LARGE1: variants seen among roughly 807,000 people sequenced by gnomAD.
The protein encoded by LARGE1 is xylosyl- and glucuronyltransferase LARGE1.
A neutral mutation model predicts 87.6 loss-of-function variants in LARGE1; 43 were observed. The observed-to-expected ratio is 0.49, with a 90% CI of 0.38 to 0.63. LARGE1 has a LOEUF of 0.63. Among genes scored for constraint, LARGE1 ranks in the 30% least tolerant of loss-of-function variants. The probability of loss-of-function intolerance (pLI) is 0.00; values close to 1 mark genes in which losing one functional copy is unlikely to be tolerated. For synonymous variants in LARGE1, 434 were observed against 394.6 expected, an observed-to-expected ratio of 1.10 and a Z score of -1.18; for missense variants, 802 against 1,000.2, an observed-to-expected ratio of 0.80 and a Z score of 2.67.
At position 33,276,872 on chromosome 22, in the gene LARGE1, C is replaced by T. The variant is rs184571700; in HGVS notation, c.2073+188G>A. On this transcript the variant is annotated intron_variant, in intron 14 of 14. Transcript: ENST00000397394. ...GGGTCCTGGCCAAGAACCCAACTCTCACCCAAGGGTTGAGGAAGGAGCAAT... is the reference window on the plus strand; with the variant it reads ...GGGTCCTGGCCAAGAACCCAACTCTTACCCAAGGGTTGAGGAAGGAGCAAT... Among the ~76,000 whole-genome samples, 11 of 152,334 alleles carry T rather than the reference C, an allele frequency of 7.2e-5. No individual in the cohort carries two copies. The East Asian group carries it at 2.1e-3, about 29-fold the overall frequency.
At chr22:33,604,684 T>C in intron 4 of LARGE1, 126 bp from the exon 5 acceptor site, 1 of 1,290,168 alleles carries the variant, frequency 7.8e-7, no homozygotes, top group South Asian at 1.2e-5. Context: ...TGAAAGTAAA[T>C]CTGGAATGTT....
intron 10 of LARGE1, among the ~76,000 whole-genome samples, chr22:33,328,678 A>G (rs1937454770): frequency 6.6e-6 from 1 of 152,068 alleles, no homozygotes; most frequent in Admixed American, 6.6e-5. Flanking sequence ...AAAGAGTAAG[A>G]AAACCGTATC....
chr22:33,501,386 C>G (rs559881933), intron 6 of LARGE1, among the ~76,000 whole-genome samples: 72 of 152,220 alleles, frequency 4.7e-4, no homozygotes, highest in African/African-American at 1.5e-3. Flanking sequence ...GCAAAAGGAG[C>G]CAGGCCCTAG....
intron 5 of LARGE1, among the ~76,000 whole-genome samples, chr22:33,589,625 T>C (rs1251442221): frequency 6.6e-6 from 1 of 152,160 alleles, no homozygotes; most frequent in East Asian, 1.9e-4. Context: ...GACACACCAT[T>C]GTTCATATTT....
At chr22:33,261,857 C>T (rs1418036269) in intron 11 of LARGE1, among the ~76,000 whole-genome samples, 1 of 152,190 alleles carries the variant, frequency 6.6e-6, no homozygotes, top group Admixed American at 6.5e-5. Flanking sequence ...AGTTGCAGTG[C>T]TGCCTGTGAT....
At chr22:33,561,350 A>C (rs937726049) in intron 6 of LARGE1, among the ~76,000 whole-genome samples, 1 of 152,210 alleles carries the variant, frequency 6.6e-6, no homozygotes, top group Admixed American at 6.5e-5. Flanking sequence ...CCAGTGGCAG[A>C]GTAGTTGGTA....
chr22:33,411,995 T>C (rs2066319702), intron 7 of LARGE1, among the ~76,000 whole-genome samples: 1 of 152,192 alleles, frequency 6.6e-6, no homozygotes, highest in African/African-American at 2.4e-5. Flanking sequence ...GAAAAATATA[T>C]ATTATTGGCC....
At chr22:33,405,248 G>A (rs2066056883) in intron 7 of LARGE1, among the ~76,000 whole-genome samples, 1 of 152,210 alleles carries the variant, frequency 6.6e-6, no homozygotes, top group Admixed American at 6.6e-5. Context: ...CAAATTCTGT[G>A]TCATTGTATC....
chr22:33,458,263 C>A (rs529950322), intron 6 of LARGE1, among the ~76,000 whole-genome samples: 18 of 151,712 alleles, frequency 1.2e-4, no homozygotes, highest in Admixed American at 1.1e-3. Flanking sequence ...TGCCACCACG[C>A]TCGGCTAATT....
chr22:33,184,627 T>C (rs561007535), intron 11 of LARGE1, among the ~76,000 whole-genome samples: 2 of 151,944 alleles, frequency 1.3e-5, no homozygotes, highest in African/African-American at 4.8e-5. Context: ...AAAAAATTAA[T>C]CATGGGAATG....
At chr22:33,412,683 T>A (rs952853708) in intron 7 of LARGE1, among the ~76,000 whole-genome samples, 4 of 152,374 alleles carry the variant, frequency 2.6e-5, no homozygotes, top group Admixed American at 2.6e-4. Context: ...ATTTTTGAGA[T>A]GGAGTCTTGC....
intron 6 of LARGE1, among the ~76,000 whole-genome samples, chr22:33,533,759 A>G (rs2076963302): frequency 6.6e-6 from 1 of 152,182 alleles, no homozygotes; most frequent in South Asian, 2.1e-4. Flanking sequence ...AAATGTCAAC[A>G]CTCATGCTTT....
intron 1 of LARGE1, among the ~76,000 whole-genome samples, chr22:33,780,213 A>C (rs949061930): frequency 4.6e-5 from 7 of 152,200 alleles, no homozygotes; most frequent in African/African-American, 1.7e-4. Context: ...CTTCAGGATG[A>C]CCTCAACTAA....
chr22:33,578,505 T>C (rs2078417955), intron 5 of LARGE1, among the ~76,000 whole-genome samples: 1 of 152,204 alleles, frequency 6.6e-6, no homozygotes, highest in African/African-American at 2.4e-5. Flanking sequence ...GAGAAAATAT[T>C]ATTATGTTTA....
At chr22:33,409,679 A>G (rs2066235245) in intron 7 of LARGE1, among the ~76,000 whole-genome samples, 1 of 151,872 alleles carries the variant, frequency 6.6e-6, no homozygotes, top group African/African-American at 2.4e-5. Flanking sequence ...GGCTAACACA[A>G]TGAAACCCCA....
chr22:33,254,143 G>A (rs1164921192), intron 11 of LARGE1, among the ~76,000 whole-genome samples: 2 of 152,144 alleles, frequency 1.3e-5, no homozygotes, highest in African/African-American at 4.8e-5. Flanking sequence ...GGACTCAAAG[G>A]CAGGCCAAGG....
chr22:33,211,201 T>C (rs1181664147), intron 11 of LARGE1, among the ~76,000 whole-genome samples: 1 of 152,204 alleles, frequency 6.6e-6, no homozygotes, highest in Non-Finnish European at 1.5e-5. Flanking sequence ...ATAAATGTTC[T>C]GACTGGTCAT....
At chr22:33,257,849 A>G (rs771389566) in intron 11 of LARGE1, among the ~76,000 whole-genome samples, 1 of 152,216 alleles carries the variant, frequency 6.6e-6, no homozygotes, top group Non-Finnish European at 1.5e-5. Context: ...GTGAATAAAA[A>G]CAGTTCCAGT....
intron 2 of LARGE1, chr22:33,737,502 G>C (rs1181132328): frequency 6.6e-6 from 1 of 152,100 alleles, no homozygotes; most frequent in East Asian, 1.9e-4. Context: ...TTGTGCTTTA[G>C]GTGCATTACT....
Sources: allele counts gnomAD v4.1 joint callset (sites outside exome capture counted in the v4.1 genomes callset), GRCh38; gene constraint gnomAD v4.1.1; transcripts MANE v1.5; gene names NCBI Gene and HGNC (gene_info 2026-07-23, HGNC 2026-07-21).